The following ARHGAP15 variants were observed in gnomAD, a reference collection of about 807,000 sequenced individuals.
The protein encoded by ARHGAP15 is rho GTPase-activating protein 15.
In ARHGAP15, 51 loss-of-function variants were observed where a neutral mutation model predicts 63.7. That is an observed-to-expected ratio of 0.80 (90% confidence interval 0.64 to 1.01). The LOEUF (loss-of-function observed/expected upper bound fraction) is 1.01. Among genes scored for constraint, ARHGAP15 ranks in the 50% least tolerant of loss-of-function variants. The pLI is 0.00. For missense variants in ARHGAP15, 560 were observed against 564.6 expected (o/e 0.99, Z 0.08); for synonymous variants, 191 against 193.8 (o/e 0.99, Z 0.12).
intron 12 of ARHGAP15, among the ~76,000 whole-genome samples, chr2:143,670,128 T>TAAGA (rs1362987861): frequency 3.3e-5 from 5 of 152,136 alleles, no homozygotes; most frequent in African/African-American, 9.7e-5. Context: ...TTGAAAACTC[T>TAAGA]AAGAATCAGA....
chr2:143,449,127 T>G (rs1217530786), intron 8 of ARHGAP15, among the ~76,000 whole-genome samples: 4 of 152,052 alleles, frequency 2.6e-5, no homozygotes, highest in African/African-American at 9.7e-5. Context: ...TACACTGCCT[T>G]GTAACTTTTG....
chr2:143,708,610 C>T (rs1417254406), intron 13 of ARHGAP15, among the ~76,000 whole-genome samples: 1 of 151,948 alleles, frequency 6.6e-6, no homozygotes. Flanking sequence ...CATATTGTCC[C>T]CTGGTCTTAG....
chr2:143,474,145 G>A (rs142678678), intron 8 of ARHGAP15, among the ~76,000 whole-genome samples: 1 of 152,046 alleles, frequency 6.6e-6, no homozygotes, highest in Admixed American at 6.6e-5. Flanking sequence ...GGGTGTCCTG[G>A]CATTCAGCAA....
intron 6 of ARHGAP15, among the ~76,000 whole-genome samples, chr2:143,294,960 T>C (rs565015630): frequency 6.6e-6 from 1 of 152,100 alleles, no homozygotes; most frequent in South Asian, 2.1e-4. Context: ...TCGATATGTC[T>C]TGGGCATTCT....
chr2:143,366,193 C>T (rs1686285020), intron 6 of ARHGAP15, among the ~76,000 whole-genome samples: 3 of 152,128 alleles, frequency 2.0e-5, no homozygotes, highest in Non-Finnish European at 2.9e-5. Context: ...TGTATCCTCA[C>T]AGCATTAAAT....
chr2:143,372,465 T>G (rs1055649764), intron 6 of ARHGAP15, among the ~76,000 whole-genome samples: 2 of 151,796 alleles, frequency 1.3e-5, no homozygotes, highest in Non-Finnish European at 2.9e-5. Flanking sequence ...TAAATTTGAA[T>G]TTTAAAATTG....
At chr2:143,538,683 T>C (rs574282479) in intron 10 of ARHGAP15, among the ~76,000 whole-genome samples, 1 of 152,324 alleles carries the variant, frequency 6.6e-6, no homozygotes, top group African/African-American at 2.4e-5. Context: ...GGATTACGTT[T>C]ATTGATTTTC....
At chr2:143,393,557 C>A (rs1687625526) in intron 6 of ARHGAP15, among the ~76,000 whole-genome samples, 1 of 151,738 alleles carries the variant, frequency 6.6e-6, no homozygotes, top group Non-Finnish European at 1.5e-5. Flanking sequence ...CATGGTGAAA[C>A]CCCATCTCTA....
intron 6 of ARHGAP15, among the ~76,000 whole-genome samples, chr2:143,302,016 T>C (rs558914157): frequency 7.2e-5 from 11 of 152,094 alleles, no homozygotes; most frequent in African/African-American, 2.6e-4. Context: ...CTTCTCTGTT[T>C]CTAAAATAGG....
At chr2:143,187,742 T>C (rs2105082984) in intron 2 of ARHGAP15, among the ~76,000 whole-genome samples, 1 of 152,342 alleles carries the variant, frequency 6.6e-6, no homozygotes, top group South Asian at 2.1e-4. Context: ...TCCACTTATA[T>C]TGAAGGATCT....
intron 9 of ARHGAP15, among the ~76,000 whole-genome samples, chr2:143,518,336 T>C (rs1693910877): frequency 6.6e-6 from 1 of 152,214 alleles, no homozygotes; most frequent in South Asian, 2.1e-4. Flanking sequence ...AAATACACAA[T>C]GCAAGGTAGC....
chr2:143,316,589 T>TTTTATATATATATATTTATATATATAAAA, intron 6 of ARHGAP15, among the ~76,000 whole-genome samples: 1 of 147,576 alleles, frequency 6.8e-6, no homozygotes, highest in South Asian at 2.1e-4. Context: ...AATATATATG[T>TTTTATATATATATATTTATATATATAAAA]TATATATATT....
At chr2:143,244,401 A>G (rs1000328129) in intron 5 of ARHGAP15, among the ~76,000 whole-genome samples, 1 of 152,154 alleles carries the variant, frequency 6.6e-6, no homozygotes, top group African/African-American at 2.4e-5. Flanking sequence ...AATTCTCCCC[A>G]TGGATATTTT....
intron 13 of ARHGAP15, among the ~76,000 whole-genome samples, chr2:143,730,430 A>T (rs184421306): frequency 1.3e-5 from 2 of 152,346 alleles, no homozygotes; most frequent in East Asian, 3.9e-4. Context: ...GGTAATTCAT[A>T]AAGACTGTAT....
intron 6 of ARHGAP15, among the ~76,000 whole-genome samples, chr2:143,362,441 T>A (rs1032196138): frequency 5.3e-5 from 8 of 152,178 alleles, no homozygotes; most frequent in Non-Finnish European, 1.0e-4. Context: ...TGCGTCCTCC[T>A]CTTCACCTCT....
At position 143,134,159 on chromosome 2, in the gene ARHGAP15, C is replaced by T. The variant is rs576587106; in HGVS notation, c.-15+4693C>T. On this transcript the variant is annotated intron_variant, in intron 1 of 13. Transcript: ENST00000295095. Reference sequence around the variant, plus strand: ...TCTATCTATCTATCTATCTACCTATCTATCTATCATCTATCTATCTATCAT... The same window carrying T: ...TCTATCTATCTATCTATCTACCTATTTATCTATCATCTATCTATCTATCAT... 9.4e-5 allele frequency among the ~76,000 whole-genome samples: 12 copies of T among 127,560 alleles called. 1 individual carries two copies. The highest frequency in any genetic ancestry group is 3.4e-4 in the African/African-American group (12 of 35,016). The allele number at this position is 127,560 out of a possible 152,430, so 83.7% of individuals were successfully genotyped here. A position where few individuals can be genotyped will look rare whatever the true frequency, so the allele number is the denominator to read the frequency against.
intron 9 of ARHGAP15, among the ~76,000 whole-genome samples, chr2:143,490,386 T>C (rs556033763): frequency 6.6e-6 from 1 of 152,130 alleles, no homozygotes; most frequent in Non-Finnish European, 1.5e-5. Flanking sequence ...CCAGCCTTTA[T>C]TGAGCACCAC....
At chr2:143,216,525 G>A in intron 4 of ARHGAP15, 80 bp downstream of exon 4, 1 of 1,027,646 alleles carries the variant, frequency 9.7e-7, no homozygotes, top group Non-Finnish European at 1.5e-6. Flanking sequence ...TTATTGTTTG[G>A]GATGCAAGTC....
chr2:143,349,042 A>C (rs1427714331), intron 6 of ARHGAP15, among the ~76,000 whole-genome samples: 1 of 152,208 alleles, frequency 6.6e-6, no homozygotes, highest in Non-Finnish European at 1.5e-5. Context: ...CATCCTGAAC[A>C]ACACATACAA....
Sources: allele counts gnomAD v4.1 joint callset (sites outside exome capture counted in the v4.1 genomes callset), GRCh38; gene constraint gnomAD v4.1.1; transcripts MANE v1.5; gene names NCBI Gene and HGNC (gene_info 2026-07-23, HGNC 2026-07-21).